Variants in KANK1 observed in about 807,000 individuals in gnomAD.
KANK1 encodes the protein KN motif and ankyrin repeat domains 1, also known as KN motif and ankyrin repeat domain-containing protein 1.
In KANK1, 109 loss-of-function variants were observed where a neutral mutation model predicts 106.2. That is an observed-to-expected ratio of 1.03 (90% confidence interval 0.88 to 1.20). The LOEUF (loss-of-function observed/expected upper bound fraction) is 1.20. Ranked by LOEUF, KANK1 falls within the 50% of genes most tolerant of loss-of-function variation. The pLI is 0.00. For missense variants in KANK1, 2,399 were observed against 1,710.7 expected (o/e 1.40, Z -7.10); for synonymous variants, 873 against 652.2 (o/e 1.34, Z -5.16).
At chr9:497,905 C>T (rs991166261) in intron 3 of KANK1, among the ~76,000 whole-genome samples, 1 of 152,088 alleles carries the variant, frequency 6.6e-6, no homozygotes, top group Non-Finnish European at 1.5e-5. Context: ...AAGAAAATTA[C>T]TTCTAGGGAC....
intron 4 of KANK1, 170 bp from the exon 5 acceptor site, chr9:730,988 A>G: frequency 2.4e-6 from 1 of 413,990 alleles, no homozygotes; most frequent in Non-Finnish European, 4.4e-6. Context: ...GGAACTTTGA[A>G]TTATTTTCTT....
At chr9:580,868 C>T (rs2361089) in intron 1 of KANK1, among the ~76,000 whole-genome samples, 123,831 of 152,198 alleles carry the variant, frequency 0.81, 50,822 homozygotes, top group African/African-American at 0.92. Flanking sequence ...CCCACGGCAT[C>T]TGGGGGAGGC....
At chr9:629,083 A>G (rs1563890042) in intron 1 of KANK1, among the ~76,000 whole-genome samples, 1 of 151,936 alleles carries the variant, frequency 6.6e-6, no homozygotes, top group Non-Finnish European at 1.5e-5. Context: ...TTTCCAAAAA[A>G]AAAAAAAAAA....
intron 1 of KANK1, among the ~76,000 whole-genome samples, chr9:602,426 A>AT (rs1315588115): frequency 2.0e-5 from 3 of 151,146 alleles, no homozygotes; most frequent in Non-Finnish European, 2.9e-5. Context: ...TGCCCAGCTA[A>AT]TTTTTGTATT....
intron 1 of KANK1, among the ~76,000 whole-genome samples, chr9:572,150 A>AAT (rs774359841): frequency 2.1e-4 from 23 of 111,340 alleles, no homozygotes; most frequent in African/African-American, 6.3e-4. Context: ...ATAAACAGTG[A>AAT]TTTTTTTTTT....
chr9:653,475 T>C (rs1841381143), intron 1 of KANK1, among the ~76,000 whole-genome samples: 1 of 149,698 alleles, frequency 6.7e-6, no homozygotes, highest in Non-Finnish European at 1.5e-5. Context: ...CAGATCTGCA[T>C]TCAGTGAGAT....
At position 693,355 on chromosome 9, in the gene KANK1, A is replaced by G. The variant is rs370400882; in HGVS notation, c.37+16346A>G. 4.8e-5 allele frequency: 47 copies of G among 982,608 alleles called. No individual in the cohort carries two copies. In the African/African-American group the frequency reaches 5.6e-4, roughly 12 times the overall value. 60.9% of individuals were successfully genotyped at this position (982,608 alleles called of 1,614,324 possible). A position where few individuals can be genotyped will look rare whatever the true frequency, so the allele number is the denominator to read the frequency against. ...GAGCCTTTCTCTGCAGTGGAGGGTT[A>G]GGGAAAGAGGGAGTAAGTCAGCACA... On this transcript the variant is annotated intron_variant, in intron 2 of 11. Transcript: ENST00000382297.
intron 1 of KANK1, among the ~76,000 whole-genome samples, chr9:592,782 C>G (rs772803656): frequency 6.6e-6 from 1 of 151,816 alleles, no homozygotes; most frequent in Non-Finnish European, 1.5e-5. Context: ...TTTTGTAGTT[C>G]TTGTTTATTA....
intron 3 of KANK1, among the ~76,000 whole-genome samples, chr9:476,924 G>T (rs2058114631): frequency 6.6e-6 from 1 of 152,206 alleles, no homozygotes; most frequent in Non-Finnish European, 1.5e-5. Flanking sequence ...TCTAAACTAT[G>T]TGTCTCCCCG....
At chr9:729,459 A>G (rs967344028) in intron 3 of KANK1, among the ~76,000 whole-genome samples, 2 of 152,234 alleles carry the variant, frequency 1.3e-5, no homozygotes, top group African/African-American at 2.4e-5. Flanking sequence ...GTAGAAGGGC[A>G]TAAGCTGAGG....
intron 7 of KANK1, among the ~76,000 whole-genome samples, chr9:737,611 A>G (rs1042534021): frequency 2.0e-5 from 3 of 152,154 alleles, no homozygotes; most frequent in African/African-American, 4.8e-5. Context: ...GGAGCTGATG[A>G]GAGAATGAAA....
intron 1 of KANK1, among the ~76,000 whole-genome samples, chr9:560,790 A>AG (rs36009240): frequency 7.2e-6 from 1 of 139,854 alleles, no homozygotes; most frequent in African/African-American, 2.6e-5. Context: ...AAAAAAAAAA[A>AG]GGCTGCAAAA....
At chr9:665,367 T>A (rs577467206) in intron 1 of KANK1, among the ~76,000 whole-genome samples, 1 of 152,194 alleles carries the variant, frequency 6.6e-6, no homozygotes, top group Non-Finnish European at 1.5e-5. Flanking sequence ...GAGGTCTAGT[T>A]TCATTCTTCT....
chr9:569,392 A>C (rs1818614786), intron 1 of KANK1, among the ~76,000 whole-genome samples: 1 of 151,904 alleles, frequency 6.6e-6, no homozygotes, highest in South Asian at 2.1e-4. Flanking sequence ...TTCATGGATT[A>C]ATGGATTAAT....
chr9:622,249 G>T (rs1385881286), intron 1 of KANK1, among the ~76,000 whole-genome samples: 1 of 152,166 alleles, frequency 6.6e-6, no homozygotes, highest in African/African-American at 2.4e-5. Flanking sequence ...GCACAAAGAA[G>T]TTAATAATCT....
intron 1 of KANK1, among the ~76,000 whole-genome samples, chr9:595,897 T>G (rs1424249993): frequency 1.3e-5 from 2 of 151,864 alleles, no homozygotes; most frequent in African/African-American, 4.9e-5. Context: ...AAATAGCTTT[T>G]ACAGTTTGAG....
At chr9:494,870 G>A (rs1172618298) in intron 3 of KANK1, among the ~76,000 whole-genome samples, 1 of 152,198 alleles carries the variant, frequency 6.6e-6, no homozygotes, top group African/African-American at 2.4e-5. Context: ...TGTAGTGAAA[G>A]TTAAATAGAT....
intron 1 of KANK1, among the ~76,000 whole-genome samples, chr9:646,745 A>G (rs1375001202): frequency 6.7e-6 from 1 of 148,578 alleles, no homozygotes; most frequent in African/African-American, 2.6e-5. Context: ...GCTGGAGTGC[A>G]GTGGCACGAT....
At chr9:542,068 G>A (rs1297169090) in intron 1 of KANK1, among the ~76,000 whole-genome samples, 9 of 151,282 alleles carry the variant, frequency 5.9e-5, no homozygotes, top group Non-Finnish European at 1.2e-4. Flanking sequence ...CAGCCTGGGC[G>A]ACAGAGCGAG....
Sources: gnomAD v4.1 joint callset for allele counts (sites outside exome capture counted in the v4.1 genomes callset) on GRCh38, gnomAD v4.1.1 for gene constraint, MANE v1.5 for transcripts, NCBI Gene and HGNC (gene_info 2026-07-23, HGNC 2026-07-21) for gene names.